Variants in AGER observed in about 807,000 individuals in gnomAD.
AGER encodes advanced glycation end product-specific receptor.
In AGER, 46 loss-of-function variants were observed where a neutral mutation model predicts 48.8. That is an observed-to-expected ratio of 0.94 (90% CI 0.74 to 1.20). The LOEUF (loss-of-function observed/expected upper bound fraction) is 1.20. Ranked by LOEUF, AGER falls within the 50% of genes most tolerant of loss-of-function variation. The probability of loss-of-function intolerance (pLI) is 0.00; values close to 1 mark genes in which losing one functional copy is unlikely to be tolerated. For missense variants in AGER, 489 were observed against 515.0 expected, an observed-to-expected ratio of 0.95 and a Z score of 0.49; for synonymous variants, 170 against 199.9, an observed-to-expected ratio of 0.85 and a Z score of 1.26.
At position 32,183,306 on chromosome 6, in the gene AGER, C is replaced by T. The variant is rs745321498; in HGVS notation, c.420+18G>A. ...GTTCACAGGGCCGTTTTCTACTTCT[C>T]CTGCTTTCTTCCACTACCTTATTGG... On this transcript the variant is annotated intron_variant, in intron 4 of 10. Coordinates refer to ENST00000375076, the MANE Select transcript of AGER (RefSeq NM_001136.5). 10 of 1,612,870 alleles carry T rather than the reference C, an allele frequency of 6.2e-6. No individual in the cohort carries two copies. Among genetic ancestry groups the T allele is most frequent in the Non-Finnish European group, 6.8e-6 (8 of 1,179,870 alleles).
rs766743440 is a variant in AGER at position 32,183,741 on chromosome 6, G to C, written c.169C>G (p.Arg57Gly). Residue 57 changes from arginine to glycine, a missense_variant, in exon 3 of 11, where the codon CGG becomes GGG. By Grantham distance (125) the Arg-to-Gly change is moderately radical. Transcript: ENST00000375076. ...GACAGGACCTTCCAAGCTTCTGTCC[G>C]GCCTGTGTTCTAGAAGCAGAGAAGC... ...QRLEWKLNTG[R>G]TEAWKVLSPQ... 16 of 1,612,770 alleles carry C rather than the reference G, an allele frequency of 9.9e-6. No individual in the cohort carries two copies. Among genetic ancestry groups the C allele is most frequent in the East Asian group, 2.2e-5 (1 of 44,888 alleles).
In AGER at chr6:32,182,755, C is replaced by T. The variant is rs2127437287; in HGVS notation, c.692-57G>A. ...TTACACTTGTGAGTGATCCCAGTGG[C>T]CATGGGCTTGACTCCCTCTTTCCCT... On this transcript the variant is annotated intron_variant, in intron 6 of 10. Transcript: ENST00000375076. This position sits in a 1 kb window ranked among gnomAD's most constrained non-coding sequence, Gnocchi z 5.1. 1 of 1,612,892 alleles carries T rather than the reference C, an allele frequency of 6.2e-7. No individual in the cohort carries two copies. Among genetic ancestry groups the T allele is most frequent in the South Asian group, 1.1e-5 (1 of 91,076 alleles).
Position 32,182,790 on chromosome 6 carries a change from A to G in AGER, c.691+51T>C. 6.2e-7 allele frequency: 1 copy of G among 1,612,748 alleles called. No homozygotes were observed. The highest frequency in any genetic ancestry group is 8.5e-7 in the Non-Finnish European group (1 of 1,179,988). On this transcript the variant is annotated intron_variant, in intron 6 of 10. Coordinates refer to ENST00000375076, the MANE Select transcript of AGER (RefSeq NM_001136.5). This position sits in a 1 kb window ranked among gnomAD's most constrained non-coding sequence, Gnocchi z 5.1. Reference sequence around the variant, plus strand: ...GACTCCCTCTTTCCCTAAGGGTCAGACTTCCAGAACGTGCTCACGTGAGCT... The same window carrying G: ...GACTCCCTCTTTCCCTAAGGGTCAGGCTTCCAGAACGTGCTCACGTGAGCT...
rs750264260 is a variant in AGER, at chr6:32,183,688, A to ACTGT, written c.218_221dup (p.Ser74ArgfsTer22). ...AGCCGTTGGGAAGGACACGAGCCAC[A>ACTGT]CTGTCCCAGGGGCCTCCTCCCTGGG... On this transcript the variant is annotated frameshift_variant, in exon 3 of 11. Transcript: ENST00000375076. LOFTEE classifies it high-confidence loss of function. 5.0e-6 allele frequency: 8 copies of ACTGT among 1,613,092 alleles called. No homozygotes were observed. In the Admixed American group the frequency reaches 1.2e-4, roughly 24 times the overall value.
rs773513477 is a variant in AGER, at chr6:32,183,724, C to T, written c.186G>A (p.Lys62=). Reference sequence around the variant, plus strand: ...GGCCTCCTCCCTGGGGAGACAGGACCTTCCAAGCTTCTGTCCGGCCTGTGT... The same window carrying T: ...GGCCTCCTCCCTGGGGAGACAGGACTTTCCAAGCTTCTGTCCGGCCTGTGT... ...KLNTGRTEAW[K]VLSPQGGGPW... is the part of the protein sequence containing the mutation. Residue 62 remains lysine, a synonymous_variant, in exon 3 of 11, where the codon AAG becomes AAA. Transcript: ENST00000375076. The T allele has an allele frequency of 6.2e-7, 1 of 1,613,058 alleles. No homozygotes were observed. Among genetic ancestry groups the T allele is most frequent in the Non-Finnish European group, 8.5e-7 (1 of 1,179,998 alleles).
At position 32,183,180 on chromosome 6, in the gene AGER, C is replaced by T. The variant is rs1582715341; in HGVS notation, c.442G>A (p.Gly148Arg). 1 of 1,613,082 alleles carries T rather than the reference C, an allele frequency of 6.2e-7. No individual in the cohort carries two copies. Among genetic ancestry groups the T allele is most frequent in the Non-Finnish European group, 8.5e-7 (1 of 1,180,024 alleles). ...PNKVGTCVSE[G>R]SYPAGTLSWH... ...CTAAGAGTCCCTGCAGGGTAGCTTC[C>T]CTCTGACACACATGTCCCCACCTGG... Residue 148 changes from glycine to arginine, a missense_variant, in exon 5 of 11, where the codon GGA becomes AGA. By Grantham distance (125) the Gly-to-Arg change is moderately radical. Coordinates refer to ENST00000375076, the MANE Select transcript of AGER (RefSeq NM_001136.5).
intron 1 of AGER, 66 bp downstream of exon 1, chr6:32,184,105 C>T (rs115111668): frequency 0.012 from 19,225 of 1,604,610 alleles, 306 homozygotes; most frequent in Admixed American, 0.037. Flanking sequence ...AGTTCTAGGA[C>T]GACTGGGGTG....
At chr6:32,183,476 C>A (rs1293804453) in intron 3 of AGER, 79 bp downstream of exon 3, 1 of 1,607,020 alleles carries the variant, frequency 6.2e-7, no homozygotes, top group Admixed American at 1.7e-5. Flanking sequence ...AAGTCAGAGG[C>A]CCTCATGGGC....
Position 32,181,519 on chromosome 6 carries a change from C to T in AGER, c.992-42G>A. 1 of 1,613,184 alleles carries T rather than the reference C, an allele frequency of 6.2e-7. No homozygotes were observed. The highest frequency in any genetic ancestry group is 1.1e-5 in the South Asian group (1 of 91,090). On this transcript the variant is annotated intron_variant, in intron 9 of 10. Coordinates refer to ENST00000375076, the MANE Select transcript of AGER (RefSeq NM_001136.5). The surrounding 1 kb of genome is among the most constrained non-coding windows in gnomAD (Gnocchi z 4.1). ...AAAATTGAGAGCACAGCCACCACCA[C>T]TCACCATTCCTTTCTTGTTGACCAT...
In AGER at chr6:32,181,556, CAT is replaced by C. The variant is rs1329212611; in HGVS notation, c.991+48_991+49del. The C allele has an allele frequency of 7.4e-6, 12 of 1,613,018 alleles. No individual in the cohort carries two copies. Among genetic ancestry groups the C allele is most frequent in the South Asian group, 4.4e-5 (4 of 91,088 alleles). ...TTCTTGTTGACCATCCCCCCAGTCACATGTGTTGGGGGCTATCTTCTGCTTCC... is the reference window on the plus strand; with the variant it reads ...TTCTTGTTGACCATCCCCCCAGTCACGTGTTGGGGGCTATCTTCTGCTTCC... On this transcript the variant is annotated intron_variant, in intron 9 of 10. Coordinates refer to ENST00000375076, the MANE Select transcript of AGER (RefSeq NM_001136.5). The surrounding 1 kb of genome is among the most constrained non-coding windows in gnomAD (Gnocchi z 4.1).
intron 4 of AGER, 44 bp from the exon 5 acceptor site, chr6:32,183,245 A>G: frequency 6.2e-7 from 1 of 1,612,086 alleles, no homozygotes; most frequent in Non-Finnish European, 8.5e-7. Context: ...AAAATGAGAG[A>G]TGCCACACAC....
chr6:32,183,121 A>G lies in AGER; in HGVS notation c.501T>C (p.Asn167=), dbSNP rs757232464. The change falls in exon 5 of 11, where the codon AAT becomes AAC. Residue 167 remains asparagine (N), a synonymous_variant. Coordinates refer to ENST00000375076, the MANE Select transcript of AGER (RefSeq NM_001136.5). ...GGGCACCTTAGGACTCACCCTTCTC[A>G]TTAGGCACCAGGGGCTTCCCATCCA... ...WHLDGKPLVP[N]EKGVSVKEQT... is the part of the protein sequence containing the mutation. 1.2e-6 allele frequency: 2 copies of G among 1,612,938 alleles called. No homozygotes were observed. Among genetic ancestry groups the G allele is most frequent in the African/African-American group, 2.7e-5 (2 of 74,922 alleles).
In AGER at chr6:32,182,664, C is replaced by T. The variant is rs756843661; in HGVS notation, c.726G>A (p.Val242=). 1 of 1,613,118 alleles carries T rather than the reference C, an allele frequency of 6.2e-7. No homozygotes were observed. ...GAGCTACTGCTCCACCTTCTGGCTC[C>T]ACCACCAATTGGACCTCCTCCAGAG... The part of the protein sequence containing the change: ...PVPLEEVQLV[V]EPEGGAVAPG... Residue 242 remains valine, a synonymous_variant, in exon 7 of 11, where the codon GTG becomes GTA. Transcript: ENST00000375076. The surrounding 1 kb of genome is among the most constrained non-coding windows in gnomAD (Gnocchi z 5.1).
Position 32,183,965 on chromosome 6 carries a change from G to A in AGER, c.75C>T (p.Asn25=). Residue 25 remains asparagine (N), a synonymous_variant, in exon 2 of 11, where the codon AAC becomes AAT. Transcript: ENST00000375076. The stretch of plus-strand genomic sequence containing the variant: ...GTGGCTCGCCAATCCGGGCTGTGAT[G>A]TTTTGAGCACCTACTACTGCCCCTG... The part of the protein sequence containing the change: ...SLWGAVVGAQ[N]ITARIGEPLV... 2 of 1,613,068 alleles carry A rather than the reference G, an allele frequency of 1.2e-6. No individual in the cohort carries two copies. Among genetic ancestry groups the A allele is most frequent in the South Asian group, 1.1e-5 (1 of 91,090 alleles).
Position 32,181,070 on chromosome 6 carries a change from G to GAGAC in AGER, c.*72_*73insGTCT. ...CAGGAGAGAGATTATACAGGAGAGA[G>GAGAC]TTGGTCTGAGGCCAGAACAGTTCAA... On this transcript the variant is annotated 3_prime_UTR_variant, in exon 11 of 11. Transcript: ENST00000375076. This position sits in a 1 kb window ranked among gnomAD's most constrained non-coding sequence, Gnocchi z 4.1. 1 of 1,478,626 alleles carries GAGAC rather than the reference G, an allele frequency of 6.8e-7. No homozygotes were observed. Among genetic ancestry groups the GAGAC allele is most frequent in the South Asian group, 1.1e-5 (1 of 88,160 alleles). The allele number at this position is 1,478,626 out of a possible 1,614,324, so 91.6% of individuals were successfully genotyped here.
At chr6:32,183,441 C>T (rs539191851) in intron 3 of AGER, 53 bp from the exon 4 acceptor site, 2 of 1,609,198 alleles carry the variant, frequency 1.2e-6, no homozygotes, top group Non-Finnish European at 1.7e-6. Context: ...TTCTCAAACT[C>T]TGTGTGTGGA....
At position 32,183,733 on chromosome 6, in the gene AGER, T is replaced by C; in HGVS notation, c.177A>G (p.Glu59=). ...LEWKLNTGRT[E]AWKVLSPQGG... The stretch of plus-strand genomic sequence containing the variant: ...CCTGGGGAGACAGGACCTTCCAAGC[T>C]TCTGTCCGGCCTGTGTTCTAGAAGC... The change falls in exon 3 of 11, where the codon GAA becomes GAG. Residue 59 remains glutamate (E), a synonymous_variant. Coordinates refer to ENST00000375076, the MANE Select transcript of AGER (RefSeq NM_001136.5). The C allele has an allele frequency of 1.2e-5, 19 of 1,613,020 alleles. No individual in the cohort carries two copies. Among genetic ancestry groups the C allele is most frequent in the Non-Finnish European group, 1.6e-5 (19 of 1,179,986 alleles).
In AGER at chr6:32,182,365, G is replaced by A. The variant is rs1045204978; in HGVS notation, c.846C>T (p.Pro282=). ...TCTCAGGGAGGATCAGCACAGGGCT[G>A]GGGGGAAGGGGCAAGGGCACACCCT... ...MKDGVPLPLP[P]SPVLILPEIG... Residue 282 remains proline, a synonymous_variant, in exon 8 of 11, where the codon CCC becomes CCT. Coordinates refer to ENST00000375076, the MANE Select transcript of AGER (RefSeq NM_001136.5). The surrounding 1 kb of genome is among the most constrained non-coding windows in gnomAD (Gnocchi z 5.1). The A allele has an allele frequency of 1.9e-6, 3 of 1,611,986 alleles. No individual in the cohort carries two copies. Among genetic ancestry groups the A allele is most frequent in the Non-Finnish European group, 2.5e-6 (3 of 1,179,764 alleles).
rs1786268034 is a variant in AGER, at chr6:32,181,771, G to A, written c.965-139C>T. ...TCACTTTTGTTGCCCAGGCTGGCAT[G>A]CAATGGTGCGATCTTGGCTCATCGC... On this transcript the variant is annotated intron_variant, in intron 8 of 10. Coordinates refer to ENST00000375076, the MANE Select transcript of AGER (RefSeq NM_001136.5). This position sits in a 1 kb window ranked among gnomAD's most constrained non-coding sequence, Gnocchi z 4.1. 1.0e-5 allele frequency: 9 copies of A among 903,296 alleles called. No individual in the cohort carries two copies. The East Asian group carries it at 1.8e-4, about 18-fold the overall frequency. The allele number at this position is 903,296 out of a possible 1,614,324, so 56.0% of individuals were successfully genotyped here.
Sources: gnomAD v4.1 joint callset for allele counts on GRCh38, gnomAD v4.1.1 for gene constraint, Gnocchi (gnomAD v3.1) non-coding constraint, MANE v1.5 for transcripts, NCBI Gene and HGNC (gene_info 2026-07-23, HGNC 2026-07-21) for gene names.